EXOSC7: variants seen among roughly 807,000 people sequenced by gnomAD.
EXOSC7 encodes the protein exosome component 7.
In EXOSC7, 25 loss-of-function variants were observed where a neutral mutation model predicts 34.3. That is an observed-to-expected ratio of 0.73 (90% confidence interval 0.53 to 1.02). EXOSC7 has a LOEUF of 1.02. Ranked by LOEUF, EXOSC7 falls within the 50% of genes least tolerant of loss-of-function variation. The pLI is 0.00. For missense variants in EXOSC7, 370 were observed against 368.5 expected (o/e 1.00, Z -0.03); for synonymous variants, 130 against 143.0 (o/e 0.91, Z 0.65).
At position 45,001,761 on chromosome 3, in the gene EXOSC7, A is replaced by T. The variant is rs1385832829; in HGVS notation, c.491+153A>T. 3 of 612,828 alleles carry T rather than the reference A, an allele frequency of 4.9e-6. No individual in the cohort carries two copies. In the African/African-American group the frequency reaches 5.5e-5, roughly 11 times the overall value. 38.0% of individuals were successfully genotyped at this position (612,828 alleles called of 1,614,324 possible). On this transcript the variant is annotated intron_variant, in intron 5 of 7. Transcript: ENST00000265564. ...GGTGACATCTAACGTTAAACTCCAG[A>T]AAAGATAGATTTCGTGAATTAAAAC...
Position 45,011,254 on chromosome 3 carries a change from A to G in EXOSC7, c.791A>G (p.Lys264Arg). ...CCACAGACTGGCAAGCGTGTGGGCA[A>G]GGTACTGCATGCCTCCTTGCAGAGT... ...EMMETGKRVG[K>R]VLHASLQSVV... Residue 264 changes from lysine (K) to arginine (R), a missense_variant, in exon 8 of 8, where the codon AAG becomes AGG. By Grantham distance (26) the Lys-to-Arg change is conservative. Transcript: ENST00000265564. The G allele has an allele frequency of 6.2e-7, 1 of 1,612,518 alleles. No individual in the cohort carries two copies. The highest frequency in any genetic ancestry group is 2.2e-5 in the East Asian group (1 of 44,736).
rs575167185 is a variant in EXOSC7, at chr3:45,000,241, T to G, written c.421-1297T>G. ...TGGGGTGATTGGTCACAAGCCTGTC[T>G]TTTGATGGGTTCTTTCACAAATAAT... On this transcript the variant is annotated intron_variant, in intron 4 of 7. Transcript: ENST00000265564. 2.6e-4 allele frequency among the ~76,000 whole-genome samples: 40 copies of G among 152,356 alleles called. No individual in the cohort carries two copies. The South Asian group carries it at 2.9e-3, about 11-fold the overall frequency.
chr3:44,977,313 C>G (rs889758794), intron 1 of EXOSC7: 16 of 152,218 alleles, frequency 1.1e-4, no homozygotes, highest in Admixed American at 4.6e-4. Context: ...CAGCTCCTAC[C>G]TCTTTTCCTC....
At position 45,005,379 on chromosome 3, in the gene EXOSC7, G is replaced by A; in HGVS notation, c.580G>A (p.Val194Met). ...CCCTTATGACTGCATACGACTAAGT[G>A]TGGAGAATGTCCCCTGCATTGTCAC... ...DDPYDCIRLS[V>M]ENVPCIVTLC... The change falls in exon 6 of 8, where the codon GTG (valine) becomes ATG (methionine). Residue 194 changes from valine (V) to methionine (M), a missense_variant. Physicochemically the swap from Val to Met is conservative, Grantham distance 21. Around this residue, in one of 3 missense-constraint regions of EXOSC7, gnomAD observed 255 missense variants for 246.4 expected, o/e 1.03. Coordinates refer to ENST00000265564, the MANE Select transcript of EXOSC7 (RefSeq NM_015004.4). The A allele has an allele frequency of 1.2e-6, 2 of 1,614,178 alleles. No individual in the cohort carries two copies. Among genetic ancestry groups the A allele is most frequent in the South Asian group, 2.2e-5 (2 of 91,088 alleles).
intron 1 of EXOSC7, among the ~76,000 whole-genome samples, chr3:44,981,990 A>T (rs553345940): frequency 6.6e-6 from 1 of 152,288 alleles, no homozygotes; most frequent in East Asian, 1.9e-4. Context: ...GGATTATCTC[A>T]TGGCCTGTGT....
chr3:44,998,147 T>C (rs1706778640), intron 4 of EXOSC7, among the ~76,000 whole-genome samples: 1 of 151,398 alleles, frequency 6.6e-6, no homozygotes, highest in South Asian at 2.1e-4. Flanking sequence ...TCGATTCTCA[T>C]GTCTCAGCCT....
chr3:44,992,758 C>T (rs1706607427), intron 3 of EXOSC7, among the ~76,000 whole-genome samples: 1 of 152,174 alleles, frequency 6.6e-6, no homozygotes, highest in African/African-American at 2.4e-5. Context: ...GTGTGTCACC[C>T]TGCGCTGCCA....
intron 1 of EXOSC7, among the ~76,000 whole-genome samples, chr3:44,981,565 G>A (rs1706270548): frequency 6.6e-6 from 1 of 152,068 alleles, no homozygotes; most frequent in Non-Finnish European, 1.5e-5. Context: ...TTCAGCCTGT[G>A]GCTCCTGAGA....
chr3:44,997,993 C>A (rs1050304593), intron 4 of EXOSC7, among the ~76,000 whole-genome samples: 4 of 151,786 alleles, frequency 2.6e-5, no homozygotes, highest in Non-Finnish European at 5.9e-5. Flanking sequence ...TGGCACTCGA[C>A]AGTAACTTCT....
rs754482224 is a variant in EXOSC7 at position 44,976,267 on chromosome 3, A to G, written c.-11A>G. ...GCAGATGACGTGCGGCTCGTGGGGC[A>G]GCTCGGCAGCATGGCGTCCGTGACG... On this transcript the variant is annotated 5_prime_UTR_variant, in exon 1 of 8. Transcript: ENST00000265564. 1 of 1,550,528 alleles carries G rather than the reference A, an allele frequency of 6.4e-7. No individual in the cohort carries two copies. The highest frequency in any genetic ancestry group is 8.7e-7 in the Non-Finnish European group (1 of 1,155,378).
intron 7 of EXOSC7, among the ~76,000 whole-genome samples, chr3:45,009,450 T>C (rs1707144502): frequency 6.6e-6 from 1 of 152,158 alleles, no homozygotes; most frequent in Admixed American, 6.5e-5. Flanking sequence ...CCTCTTGTTG[T>C]CCTCTCTCCC....
intron 1 of EXOSC7, among the ~76,000 whole-genome samples, chr3:44,984,609 C>A (rs564739732): frequency 1.3e-5 from 2 of 152,152 alleles, no homozygotes; most frequent in Non-Finnish European, 2.9e-5. Flanking sequence ...TGTAGCATAG[C>A]GGTTAAGAGC....
chr3:44,978,470 G>A (rs1215484479), intron 1 of EXOSC7, among the ~76,000 whole-genome samples: 9 of 152,158 alleles, frequency 5.9e-5, no homozygotes, highest in Non-Finnish European at 1.5e-5. Context: ...TCAGGGGCTA[G>A]GAAGGAACCT....
chr3:44,987,245 A>G (rs999918329), intron 1 of EXOSC7, among the ~76,000 whole-genome samples: 1 of 152,216 alleles, frequency 6.6e-6, no homozygotes, highest in Non-Finnish European at 1.5e-5. Flanking sequence ...GGTGAATGGG[A>G]AGAAAGGGGC....
chr3:44,994,803 A>C (rs1231637040), intron 3 of EXOSC7, among the ~76,000 whole-genome samples: 1 of 150,362 alleles, frequency 6.7e-6, no homozygotes, highest in Non-Finnish European at 1.5e-5. Flanking sequence ...CCTTGGGCTC[A>C]TGAGTCTCTA....
chr3:44,981,050 A>G (rs1206131655), intron 1 of EXOSC7, among the ~76,000 whole-genome samples: 2 of 152,180 alleles, frequency 1.3e-5, no homozygotes, highest in African/African-American at 2.4e-5. Flanking sequence ...GAAGCCTTGA[A>G]GTGCATTTTA....
intron 7 of EXOSC7, 101 bp from the exon 8 acceptor site, chr3:45,011,134 A>T: frequency 1.7e-6 from 1 of 593,668 alleles, no homozygotes; most frequent in Non-Finnish European, 2.8e-6. Flanking sequence ...TGGAATGTGT[A>T]CAATGTCAGA....
intron 4 of EXOSC7, among the ~76,000 whole-genome samples, chr3:45,001,149 A>G (rs1053886470): frequency 2.6e-5 from 4 of 152,212 alleles, no homozygotes; most frequent in African/African-American, 9.6e-5. Context: ...ATTTAGGGAA[A>G]GAAAAAAAAA....
At chr3:44,993,086 G>C (rs959912983) in intron 3 of EXOSC7, among the ~76,000 whole-genome samples, 3 of 152,204 alleles carry the variant, frequency 2.0e-5, no homozygotes, top group Non-Finnish European at 4.4e-5. Flanking sequence ...TCCTGGCTGA[G>C]GGGCTGGGGG....
Sources: allele counts gnomAD v4.1 joint callset (sites outside exome capture counted in the v4.1 genomes callset), GRCh38; gene constraint gnomAD v4.1.1; regional missense constraint gnomAD v4.1.1; transcripts MANE v1.5; gene names NCBI Gene and HGNC (gene_info 2026-07-23, HGNC 2026-07-21).